WWOX: variants seen among roughly 807,000 people sequenced by gnomAD.
WWOX encodes WW domain-containing oxidoreductase.
A neutral mutation model predicts 46.2 loss-of-function variants in WWOX; 69 were observed. The ratio of observed to expected loss-of-function variants is 1.49; its 90% CI spans 1.23 to 1.82. The LOEUF is 1.82. Among genes scored for constraint, WWOX ranks in the 40% most tolerant of loss-of-function variants. The pLI is 0.00. For missense variants in WWOX, 919 were observed against 542.6 expected, an observed-to-expected ratio of 1.69 and a Z score of -6.89; for synonymous variants, 359 against 202.6, an observed-to-expected ratio of 1.77 and a Z score of -6.56.
intron 8 of WWOX, among the ~76,000 whole-genome samples, chr16:78,656,782 G>T (rs148543980): frequency 2.0e-5 from 3 of 152,254 alleles, no homozygotes; most frequent in Admixed American, 1.3e-4. Context: ...CCAAACCCAA[G>T]CGCCACAATC....
chr16:78,293,418 G>A (rs986348096), intron 5 of WWOX, among the ~76,000 whole-genome samples: 3 of 152,048 alleles, frequency 2.0e-5, no homozygotes, highest in Non-Finnish European at 4.4e-5. Flanking sequence ...TATCCCCTGG[G>A]ATAACCTAGC....
At chr16:78,401,821 T>A (rs1301703997) in intron 6 of WWOX, among the ~76,000 whole-genome samples, 2 of 152,156 alleles carry the variant, frequency 1.3e-5, no homozygotes, top group African/African-American at 4.8e-5. Flanking sequence ...TGCCTCAGCC[T>A]ACTGAGTAGC....
chr16:78,987,210 C>T (rs891956312), intron 8 of WWOX, among the ~76,000 whole-genome samples: 11 of 152,266 alleles, frequency 7.2e-5, no homozygotes, highest in East Asian at 3.9e-4. Flanking sequence ...AACCAAAAGA[C>T]GAGTCAGTTT....
At chr16:78,145,101 G>T (rs1173506286) in intron 4 of WWOX, among the ~76,000 whole-genome samples, 1 of 152,202 alleles carries the variant, frequency 6.6e-6, no homozygotes, top group Non-Finnish European at 1.5e-5. Context: ...TAGGCCAGAA[G>T]GTTGAAGTCA....
chr16:79,202,098 C>A (rs1408558403), intron 8 of WWOX, among the ~76,000 whole-genome samples: 1 of 152,106 alleles, frequency 6.6e-6, no homozygotes, highest in East Asian at 1.9e-4. Context: ...CAGACACGTT[C>A]ATTTGGGTAG....
intron 8 of WWOX, chr16:78,895,592 G>C (rs1191959920): frequency 2.0e-5 from 3 of 152,276 alleles, no homozygotes; most frequent in Middle Eastern, 3.4e-3. Context: ...AGGAGGGTTT[G>C]GAAATGATGC....
chr16:78,751,370 G>A (rs965262476), intron 8 of WWOX, among the ~76,000 whole-genome samples: 1 of 148,016 alleles, frequency 6.8e-6, no homozygotes, highest in African/African-American at 2.5e-5. Flanking sequence ...GAGGTGTATA[G>A]TAACACACCT....
intron 8 of WWOX, among the ~76,000 whole-genome samples, chr16:79,037,026 T>C (rs1386680545): frequency 6.6e-6 from 1 of 152,190 alleles, no homozygotes; most frequent in Non-Finnish European, 1.5e-5. Context: ...CTGTATTTGT[T>C]GTTACTGCTT....
chr16:78,542,467 GT>G (rs1567632836), intron 8 of WWOX, among the ~76,000 whole-genome samples: 2 of 152,098 alleles, frequency 1.3e-5, no homozygotes, highest in African/African-American at 2.4e-5. Flanking sequence ...GATTTTTTTT[GT>G]TTTTGTTTTT....
chr16:78,755,536 G>T (rs889368907), intron 8 of WWOX, among the ~76,000 whole-genome samples: 1 of 152,178 alleles, frequency 6.6e-6, no homozygotes, highest in Admixed American at 6.5e-5. Context: ...TCCTGGTGTT[G>T]TAATATCAAA....
intron 8 of WWOX, among the ~76,000 whole-genome samples, chr16:78,748,315 T>C (rs1216429510): frequency 1.3e-5 from 2 of 152,228 alleles, no homozygotes; most frequent in African/African-American, 4.8e-5. Context: ...CAAAAGACTC[T>C]ATGCAAATAA....
At chr16:78,660,184 A>G (rs1323191352) in intron 8 of WWOX, among the ~76,000 whole-genome samples, 5 of 151,714 alleles carry the variant, frequency 3.3e-5, no homozygotes, top group African/African-American at 4.8e-5. Context: ...TTTTGTTTTT[A>G]ATTACAGGTT....
At chr16:78,432,428 TAAA>T in intron 7 of WWOX, 57 bp from the exon 8 acceptor site, 1 of 1,599,238 alleles carries the variant, frequency 6.3e-7, no homozygotes, top group Non-Finnish European at 8.5e-7. Context: ...CCAATAAAAA[TAAA>T]AAGCTGTGTG....
intron 4 of WWOX, among the ~76,000 whole-genome samples, chr16:78,162,576 C>A (rs954649372): frequency 6.6e-6 from 1 of 151,948 alleles, no homozygotes; most frequent in African/African-American, 2.4e-5. Context: ...ATATACATGT[C>A]AACACATACA....
At chr16:78,324,742 T>A (rs1264903236) in intron 5 of WWOX, among the ~76,000 whole-genome samples, 2 of 124,678 alleles carry the variant, frequency 1.6e-5, no homozygotes, top group African/African-American at 6.4e-5. Flanking sequence ...CAGAGAAATT[T>A]AGAGATAGAA....
chr16:78,898,162 C>G (rs914455893), intron 8 of WWOX: 3 of 151,888 alleles, frequency 2.0e-5, no homozygotes, highest in Admixed American at 6.6e-5. Context: ...CTGATAGTGT[C>G]CAATTTATCT....
intron 8 of WWOX, among the ~76,000 whole-genome samples, chr16:78,723,883 T>C (rs1660907563): frequency 6.6e-6 from 1 of 152,124 alleles, no homozygotes; most frequent in South Asian, 2.1e-4. Flanking sequence ...AATGAGGATT[T>C]GTTTATAGCC....
chr16:78,797,674 C>A (rs201300450), intron 8 of WWOX, among the ~76,000 whole-genome samples: 1 of 152,182 alleles, frequency 6.6e-6, no homozygotes, highest in East Asian at 1.9e-4. Context: ...AAACAATATC[C>A]CAGAAAAATC....
In WWOX at chr16:78,906,367, A is replaced by G. The variant is rs1401138379; in HGVS notation, c.1057-305241A>G. Among the ~76,000 whole-genome samples, 3 of 152,178 alleles carry G rather than the reference A, an allele frequency of 2.0e-5. No individual in the cohort carries two copies. The South Asian group carries it at 6.2e-4, about 31-fold the overall frequency. ...AGCCCGGCTGGAAGTGCTCTTTGAT[A>G]TGCAAATATAGCCTGATAAGGATTT... On this transcript the variant is annotated intron_variant, in intron 8 of 8. Coordinates refer to ENST00000566780, the MANE Select transcript of WWOX (RefSeq NM_016373.4).
Sources: gnomAD v4.1 joint callset for allele counts (sites outside exome capture counted in the v4.1 genomes callset) on GRCh38, gnomAD v4.1.1 for gene constraint, MANE v1.5 for transcripts, NCBI Gene and HGNC (gene_info 2026-07-23, HGNC 2026-07-21) for gene names.